DPP6: variants seen among roughly 807,000 people sequenced by gnomAD.
The protein encoded by DPP6 is A-type potassium channel modulatory protein DPP6.
Under a neutral mutation model 122.6 loss-of-function variants are expected in DPP6, and 69 were observed. The ratio of observed to expected loss-of-function variants is 0.56; its 90% CI spans 0.46 to 0.69. DPP6 has a LOEUF of 0.69. Among genes scored for constraint, DPP6 ranks in the 30% least tolerant of loss-of-function variants. The probability of loss-of-function intolerance (pLI) is 0.00; values close to 1 mark genes in which losing one functional copy is unlikely to be tolerated. For synonymous variants in DPP6, 418 were observed against 433.1 expected (o/e 0.97, Z 0.43); for missense variants, 928 against 1,116.9 (o/e 0.83, Z 2.41).
chr7:154,458,602 T>G (rs1175869837), intron 2 of DPP6, among the ~76,000 whole-genome samples: 6 of 152,182 alleles, frequency 3.9e-5, no homozygotes, highest in Non-Finnish European at 8.8e-5. Context: ...TACTCTTCTG[T>G]TGTTTGAAGC....
At chr7:154,784,633 C>A (rs1797229024) in intron 10 of DPP6, among the ~76,000 whole-genome samples, 2 of 152,104 alleles carry the variant, frequency 1.3e-5, no homozygotes, top group South Asian at 4.1e-4. Context: ...ACGTGAGACC[C>A]TTACCTGTTC....
chr7:154,332,575 A>T (rs768732909), intron 1 of DPP6, among the ~76,000 whole-genome samples: 6 of 152,200 alleles, frequency 3.9e-5, no homozygotes, highest in Non-Finnish European at 5.9e-5. Flanking sequence ...GTGTCTGTCC[A>T]TTAGGAGGAA....
chr7:154,674,672 A>T (rs1244830465), intron 7 of DPP6, among the ~76,000 whole-genome samples: 1 of 152,222 alleles, frequency 6.6e-6, no homozygotes, highest in African/African-American at 2.4e-5. Context: ...GGGAAATTTA[A>T]TGAGTCCATT....
chr7:154,454,839 C>T (rs1489938221), intron 2 of DPP6, among the ~76,000 whole-genome samples: 1 of 152,142 alleles, frequency 6.6e-6, no homozygotes, highest in African/African-American at 2.4e-5. Context: ...GTTTGCAAAC[C>T]TAGTCAGTCC....
intron 3 of DPP6, among the ~76,000 whole-genome samples, chr7:154,492,739 G>T (rs953804653): frequency 3.3e-5 from 5 of 152,166 alleles, no homozygotes; most frequent in African/African-American, 9.7e-5. Context: ...CTTCAGGCTT[G>T]TCTGTCTCCA....
the DPP6 span, among the ~76,000 whole-genome samples, chr7:153,843,328 A>G: frequency 1.7e-3 from 266 of 152,306 alleles, 4 homozygotes; most frequent in South Asian, 0.019. Flanking sequence ...AAAAGCTAAC[A>G]AAGAGTTTCT....
chr7:154,034,157 A>C (rs2129055924), intron 1 of DPP6, among the ~76,000 whole-genome samples: 1 of 152,330 alleles, frequency 6.6e-6, no homozygotes, highest in South Asian at 2.1e-4. Context: ...GTCAAGCTGA[A>C]TTTGTTCCTT....
chr7:154,812,264 T>C (rs1433602799), intron 16 of DPP6, among the ~76,000 whole-genome samples: 1 of 152,256 alleles, frequency 6.6e-6, no homozygotes, highest in Non-Finnish European at 1.5e-5. Context: ...CCTGCCTTTC[T>C]GTGGGCCTTC....
intron 1 of DPP6, among the ~76,000 whole-genome samples, chr7:153,941,292 G>A (rs73494392): frequency 0.017 from 2,598 of 152,274 alleles, 64 homozygotes; most frequent in African/African-American, 0.059. Context: ...TGTGACCCAC[G>A]AATGCCATGT....
intron 16 of DPP6, among the ~76,000 whole-genome samples, chr7:154,843,553 G>C (rs1208939876): frequency 6.6e-6 from 1 of 152,182 alleles, no homozygotes; most frequent in Non-Finnish European, 1.5e-5. Context: ...TCTGACCACG[G>C]AATTCTCATC....
chr7:153,870,414 C>T, the DPP6 span, among the ~76,000 whole-genome samples: 9 of 152,168 alleles, frequency 5.9e-5, no homozygotes, highest in African/African-American at 1.9e-4. Flanking sequence ...TCTTCCATCG[C>T]TGATACTCTT....
chr7:154,719,174 G>C (rs1403945832), intron 7 of DPP6, among the ~76,000 whole-genome samples: 1 of 152,142 alleles, frequency 6.6e-6, no homozygotes, highest in Non-Finnish European at 1.5e-5. Context: ...AGAGGCTACT[G>C]TGGCGGCGTG....
intron 6 of DPP6, among the ~76,000 whole-genome samples, chr7:154,652,562 CTGTG>C (rs1036166611): frequency 1.3e-5 from 2 of 152,058 alleles, no homozygotes; most frequent in African/African-American, 4.8e-5. Flanking sequence ...GCACACCTCC[CTGTG>C]TGTGTGTTGA....
chr7:154,436,435 C>G (rs138357257), intron 1 of DPP6, among the ~76,000 whole-genome samples: 7 of 152,102 alleles, frequency 4.6e-5, no homozygotes, highest in South Asian at 2.1e-4. Flanking sequence ...ATTATACGCC[C>G]TCTTGACACA....
At chr7:154,326,120 G>T (rs1328563240) in intron 1 of DPP6, among the ~76,000 whole-genome samples, 1 of 152,140 alleles carries the variant, frequency 6.6e-6, no homozygotes, top group Non-Finnish European at 1.5e-5. Flanking sequence ...TTGAGATTTG[G>T]CAAATGTTGA....
At chr7:154,092,325 C>T (rs1355062549) in intron 1 of DPP6, 1 of 152,114 alleles carries the variant, frequency 6.6e-6, no homozygotes, top group East Asian at 1.9e-4. Context: ...ACAGTATCGG[C>T]GTCTAACCTG....
intron 1 of DPP6, among the ~76,000 whole-genome samples, chr7:154,041,959 A>T (rs1178747150): frequency 6.6e-6 from 1 of 152,104 alleles, no homozygotes; most frequent in Admixed American, 6.5e-5. Flanking sequence ...GGGTTTCACC[A>T]TGTTGGCCAG....
rs545428189 is a variant in DPP6, at chr7:154,865,143, C to G, written c.1715-2852C>G. ...TCTTGCCACTAGCAGACCCCCCCAG[C>G]TGAAGCCCTTTCTGGGACCCAGAAG... On this transcript the variant is annotated intron_variant, in intron 17 of 25. Coordinates refer to ENST00000377770, the MANE Select transcript of DPP6 (RefSeq NM_130797.4). Among the ~76,000 whole-genome samples the G allele has an allele frequency of 2.0e-5, 3 of 152,338 alleles. No homozygotes were observed. The East Asian group carries it at 5.8e-4, about 29-fold the overall frequency.
At chr7:154,233,154 G>A (rs907230391) in intron 1 of DPP6, among the ~76,000 whole-genome samples, 15 of 152,176 alleles carry the variant, frequency 9.9e-5, no homozygotes, top group Non-Finnish European at 1.8e-4. Flanking sequence ...TGTGAGAGTC[G>A]AATTCAGACA....
Sources: gnomAD v4.1 joint callset for allele counts (sites outside exome capture counted in the v4.1 genomes callset) on GRCh38, gnomAD v4.1.1 for gene constraint, MANE v1.5 for transcripts, NCBI Gene and HGNC (gene_info 2026-07-23, HGNC 2026-07-21) for gene names.